Variants in RPS6KC1 observed in about 807,000 individuals in gnomAD.
RPS6KC1 encodes the protein ribosomal protein S6 kinase C1.
RPS6KC1 carries 54 observed loss-of-function variants against 103.8 expected under a neutral mutation model. The ratio of observed to expected loss-of-function variants is 0.52; its 90% CI spans 0.42 to 0.65. The LOEUF is 0.65. Among genes scored for constraint, RPS6KC1 ranks in the 30% least tolerant of loss-of-function variants. The pLI, the probability that RPS6KC1 is intolerant of heterozygous loss-of-function variation, is 0.00. For missense variants in RPS6KC1, 1,151 were observed against 1,253.8 expected (o/e 0.92, Z 1.24); for synonymous variants, 439 against 438.7 (o/e 1.00, Z -0.01).
chr1:213,562,359 G>GTTTTTTTT, the RPS6KC1 span, among the ~76,000 whole-genome samples: 8 of 36,302 alleles, frequency 2.2e-4, 2 homozygotes, highest in African/African-American at 4.7e-4. Flanking sequence ...GAAAAGTTCT[G>GTTTTTTTT]TTTTTTTTTT....
the RPS6KC1 span, among the ~76,000 whole-genome samples, chr1:213,583,563 G>A: frequency 3.3e-5 from 5 of 152,260 alleles, no homozygotes; most frequent in East Asian, 9.7e-4. Flanking sequence ...GCTCATGACT[G>A]TAATCCCAGC....
At chr1:213,741,512 G>A in the RPS6KC1 span, among the ~76,000 whole-genome samples, 5 of 143,924 alleles carry the variant, frequency 3.5e-5, no homozygotes, top group Non-Finnish European at 7.6e-5. Flanking sequence ...GTGCTTGATG[G>A]CTTCAAACAT....
the RPS6KC1 span, among the ~76,000 whole-genome samples, chr1:213,633,874 CAAAAAAAAAAAAAAAAAAAAAAAAA>C: frequency 1.2e-4 from 1 of 8,266 alleles, no homozygotes; most frequent in Non-Finnish European, 2.1e-4. Context: ...AAATGGAAAG[CAAAAAAAAAAAAAAAAAAAAAAAAA>C]AAAAAAAAAA....
the RPS6KC1 span, among the ~76,000 whole-genome samples, chr1:213,547,935 A>T: frequency 6.8e-4 from 104 of 152,276 alleles, 2 homozygotes; most frequent in East Asian, 0.016. Flanking sequence ...CTAAGACAGC[A>T]CTCTAGAGAA....
chr1:213,363,816 T>TTC, the RPS6KC1 span, among the ~76,000 whole-genome samples: 1 of 52,518 alleles, frequency 1.9e-5, no homozygotes, highest in Non-Finnish European at 3.5e-5. Flanking sequence ...CTTTCTTTCT[T>TTC]CTCTCTTTTT....
chr1:213,574,183 C>G, the RPS6KC1 span, among the ~76,000 whole-genome samples: 1 of 152,220 alleles, frequency 6.6e-6, no homozygotes, highest in Non-Finnish European at 1.5e-5. Flanking sequence ...GCTGGCATCC[C>G]CTTTCTACGC....
At chr1:213,137,935 T>C (rs1365844375) in intron 6 of RPS6KC1, among the ~76,000 whole-genome samples, 1 of 149,672 alleles carries the variant, frequency 6.7e-6, no homozygotes, top group Non-Finnish European at 1.5e-5. Flanking sequence ...GTTTGGTTGG[T>C]TTTTCTATTT....
chr1:213,195,743 G>C lies in RPS6KC1; in HGVS notation c.1044+19251G>C, dbSNP rs561499226. Among the ~76,000 whole-genome samples the C allele has an allele frequency of 4.6e-4, 70 of 152,120 alleles. No homozygotes were observed. The South Asian group carries it at 0.014, about 30-fold the overall frequency. On this transcript the variant is annotated intron_variant, in intron 8 of 14. Coordinates refer to ENST00000366960, the MANE Select transcript of RPS6KC1 (RefSeq NM_012424.6). ...TTCTATTCCTGAGTTACTTCACTTA[G>C]AATAATGGTCTCCAACTCCATCCAG...
At chr1:213,584,846 T>C in the RPS6KC1 span, among the ~76,000 whole-genome samples, 1 of 152,188 alleles carries the variant, frequency 6.6e-6, no homozygotes, top group Non-Finnish European at 1.5e-5. Context: ...CAAACCACAC[T>C]TTGAGAAACA....
At chr1:213,101,760 T>C (rs989797823) in intron 3 of RPS6KC1, among the ~76,000 whole-genome samples, 7 of 152,208 alleles carry the variant, frequency 4.6e-5, no homozygotes, top group African/African-American at 1.7e-4. Flanking sequence ...ACACAATTAC[T>C]AATATTAATT....
At chr1:213,515,305 A>T in the RPS6KC1 span, among the ~76,000 whole-genome samples, 1 of 152,196 alleles carries the variant, frequency 6.6e-6, no homozygotes, top group South Asian at 2.1e-4. Flanking sequence ...GTCCTTGCCC[A>T]TGCCTATGTC....
chr1:213,342,216 G>A, the RPS6KC1 span, among the ~76,000 whole-genome samples: 3 of 152,152 alleles, frequency 2.0e-5, no homozygotes, highest in Admixed American at 6.5e-5. Context: ...CAAAAGGGAA[G>A]CCACCTGCTT....
At chr1:213,360,199 G>A in the RPS6KC1 span, among the ~76,000 whole-genome samples, 15 of 152,220 alleles carry the variant, frequency 9.9e-5, no homozygotes, top group Non-Finnish European at 1.3e-4. Context: ...TACACCAATC[G>A]GACGCAGATT....
At chr1:213,105,806 C>T (rs1471885271) in intron 4 of RPS6KC1, among the ~76,000 whole-genome samples, 1 of 152,034 alleles carries the variant, frequency 6.6e-6, no homozygotes, top group Non-Finnish European at 1.5e-5. Context: ...CTTTGCTGTT[C>T]TTTGTTAATA....
the RPS6KC1 span, among the ~76,000 whole-genome samples, chr1:213,373,597 T>A: frequency 6.6e-6 from 1 of 152,192 alleles, no homozygotes; most frequent in Admixed American, 6.5e-5. Flanking sequence ...TATTATGTAT[T>A]TGACAATTTA....
intron 12 of RPS6KC1, among the ~76,000 whole-genome samples, chr1:213,254,904 C>T (rs1401338413): frequency 2.0e-5 from 3 of 151,688 alleles, no homozygotes; most frequent in East Asian, 1.9e-4. Flanking sequence ...TAGAATGTAG[C>T]GGTAGGGAAT....
At chr1:213,844,075 T>C in the RPS6KC1 span, among the ~76,000 whole-genome samples, 1 of 152,140 alleles carries the variant, frequency 6.6e-6, no homozygotes. Context: ...TCATGTTAAT[T>C]AGTAGCTCTT....
At chr1:213,757,856 C>A in the RPS6KC1 span, among the ~76,000 whole-genome samples, 1 of 152,124 alleles carries the variant, frequency 6.6e-6, no homozygotes, top group Non-Finnish European at 1.5e-5. Context: ...GCCCATTGAC[C>A]ATTCTGAAAA....
At chr1:213,338,019 A>G in the RPS6KC1 span, among the ~76,000 whole-genome samples, 2 of 152,208 alleles carry the variant, frequency 1.3e-5, no homozygotes, top group African/African-American at 4.8e-5. Context: ...TATGGTTGAG[A>G]GTGTATGTGG....
Sources: gnomAD v4.1 joint callset for allele counts (sites outside exome capture counted in the v4.1 genomes callset) on GRCh38, gnomAD v4.1.1 for gene constraint, MANE v1.5 for transcripts, NCBI Gene and HGNC (gene_info 2026-07-23, HGNC 2026-07-21) for gene names.